The following CCDC38 variants were observed in gnomAD, a reference collection of about 807,000 sequenced individuals.
CCDC38 encodes the protein coiled-coil domain-containing protein 38.
A neutral mutation model predicts 72.8 loss-of-function variants in CCDC38; 69 were observed. The ratio of observed to expected loss-of-function variants is 0.95; its 90% CI spans 0.78 to 1.16. The LOEUF is 1.16. Among genes scored for constraint, CCDC38 ranks in the 50% most tolerant of loss-of-function variants. CCDC38 has a pLI of 0.00. For synonymous variants in CCDC38, 201 were observed against 213.2 expected (o/e 0.94, Z 0.50); for missense variants, 626 against 638.9 (o/e 0.98, Z 0.22).
chr12:95,903,766 G>T, intron 5 of CCDC38: 1 of 275,366 alleles, frequency 3.6e-6, no homozygotes, highest in Non-Finnish European at 6.8e-6. Context: ...TATCTTTTTA[G>T]TATTATTGGA....
chr12:95,883,591 C>T (rs1319034961), intron 10 of CCDC38, among the ~76,000 whole-genome samples: 3 of 152,240 alleles, frequency 2.0e-5, no homozygotes, highest in Admixed American at 1.3e-4. Context: ...CTTGCCCTCC[C>T]ATGCCCTCAC....
rs1371448113 is a variant in CCDC38 at position 95,888,488 on chromosome 12, A to G, written c.890T>C (p.Leu297Pro). 1.2e-6 allele frequency: 2 copies of G among 1,614,072 alleles called. No individual in the cohort carries two copies. Among genetic ancestry groups the G allele is most frequent in the Non-Finnish European group, 1.7e-6 (2 of 1,180,020 alleles). ...RDSQGKPSRSLTRTPEKKKSN... is the reference protein window; with the variant it reads ...RDSQGKPSRSPTRTPEKKKSN... ...TTTCTTTTTCTCTGGAGTGCGAGTC[A>G]GGCTTCTGCTTGGCTTTCCTGTTCA... The change falls in exon 10 of 16, where the codon CTG becomes CCG. Residue 297 changes from leucine to proline, a missense_variant. Coordinates refer to ENST00000344280, the MANE Select transcript of CCDC38 (RefSeq NM_182496.3).
At position 95,879,344 on chromosome 12, in the gene CCDC38, C is replaced by T. The variant is rs11108314; in HGVS notation, c.1142+300G>A. On this transcript the variant is annotated intron_variant, in intron 12 of 15. Coordinates refer to ENST00000344280, the MANE Select transcript of CCDC38 (RefSeq NM_182496.3). The surrounding 1 kb of genome is among the most constrained non-coding windows in gnomAD (Gnocchi z 5.5). ...CCAAGTGATAGGGCGAAAACTATAC[C>T]GGACAAAAGTTAAGGCAGTAGGTAC... 0.18 allele frequency among the ~76,000 whole-genome samples: 28,110 copies of T among 152,084 alleles called. 2,848 individuals are homozygous for T. The highest frequency in any genetic ancestry group is 0.27 in the African/African-American group (10,990 of 41,470).
chr12:95,892,093 T>G (rs1455144907), intron 8 of CCDC38, among the ~76,000 whole-genome samples: 1 of 148,748 alleles, frequency 6.7e-6, no homozygotes, highest in Non-Finnish European at 1.5e-5. Context: ...TTTTTTTTTT[T>G]TTTTTTTTTG....
At chr12:95,894,601 C>G (rs959987227) in intron 8 of CCDC38, among the ~76,000 whole-genome samples, 2 of 152,136 alleles carry the variant, frequency 1.3e-5, no homozygotes, top group African/African-American at 4.8e-5. Context: ...ACCTGCTTCC[C>G]CTCCCCGTTG....
intron 2 of CCDC38, among the ~76,000 whole-genome samples, chr12:95,928,555 C>T (rs376912654): frequency 1.4e-4 from 22 of 152,214 alleles, no homozygotes; most frequent in Non-Finnish European, 2.6e-4. Flanking sequence ...AGTCATTATC[C>T]GTCCAGCTTT....
chr12:95,893,642 C>A (rs990425208), intron 8 of CCDC38, among the ~76,000 whole-genome samples: 1 of 151,856 alleles, frequency 6.6e-6, no homozygotes. Flanking sequence ...TCACCACGCC[C>A]AGCTAATATT....
intron 4 of CCDC38, among the ~76,000 whole-genome samples, chr12:95,916,313 T>G (rs1399381738): frequency 6.6e-6 from 1 of 152,094 alleles, no homozygotes; most frequent in Non-Finnish European, 1.5e-5. Flanking sequence ...CTGAAAAATT[T>G]TTTTACAGTT....
chr12:95,895,273 T>C, intron 7 of CCDC38, 127 bp from the exon 8 acceptor site: 2 of 579,914 alleles, frequency 3.4e-6, no homozygotes, highest in Non-Finnish European at 5.6e-6. Context: ...AAAGGATAAA[T>C]ATGGCCATAA....
In CCDC38 at chr12:95,898,682, A is replaced by G. The variant is rs750921574; in HGVS notation, c.419T>C (p.Ile140Thr). ...TTTTAGTTGCCGTTCCCTCATTGCT[A>G]TGTCTTTTTCAAACTTTTTGATTGT... ...RNTIKKFEKDIAMRERQLKKA... is the reference protein window; with the variant it reads ...RNTIKKFEKDTAMRERQLKKA... The change falls in exon 6 of 16, where the codon ATA becomes ACA. Residue 140 changes from isoleucine (I) to threonine (T), a missense_variant. Ile to Thr is a moderately conservative substitution (Grantham distance 89). Coordinates refer to ENST00000344280, the MANE Select transcript of CCDC38 (RefSeq NM_182496.3). 1.2e-6 allele frequency: 2 copies of G among 1,614,038 alleles called. No individual in the cohort carries two copies. Among genetic ancestry groups the G allele is most frequent in the Admixed American group, 3.3e-5 (2 of 60,018 alleles).
At chr12:95,906,627 A>C (rs1391540310) in intron 4 of CCDC38, among the ~76,000 whole-genome samples, 176 bp from the exon 5 acceptor site, 1 of 152,172 alleles carries the variant, frequency 6.6e-6, no homozygotes, top group Non-Finnish European at 1.5e-5. Flanking sequence ...TAGTAATTAC[A>C]ATTTATTTTA....
chr12:95,923,265 G>C (rs542871291), intron 2 of CCDC38, among the ~76,000 whole-genome samples: 1 of 152,178 alleles, frequency 6.6e-6, no homozygotes, highest in South Asian at 2.1e-4. Context: ...AATTATATGA[G>C]CCAATTACTC....
chr12:95,875,279 G>T (rs574807330), intron 13 of CCDC38, among the ~76,000 whole-genome samples: 1 of 152,256 alleles, frequency 6.6e-6, no homozygotes, highest in East Asian at 1.9e-4. Flanking sequence ...TGATCTGGGG[G>T]GTAGCACACG....
chr12:95,933,495 T>A (rs541907029), intron 2 of CCDC38: 1 of 152,346 alleles, frequency 6.6e-6, no homozygotes, highest in South Asian at 2.1e-4. Flanking sequence ...ATTTCACCCA[T>A]TTGATTGGCA....
intron 2 of CCDC38, among the ~76,000 whole-genome samples, chr12:95,936,223 T>G (rs1188401694): frequency 6.6e-6 from 1 of 152,134 alleles, no homozygotes; most frequent in African/African-American, 2.4e-5. Context: ...GACAAATAAT[T>G]GAGTTACTTG....
chr12:95,903,679 T>G, intron 5 of CCDC38: 3 of 433,150 alleles, frequency 6.9e-6, no homozygotes, highest in Non-Finnish European at 1.2e-5. Flanking sequence ...TTTGTTAATG[T>G]GTATTACATT....
intron 2 of CCDC38, among the ~76,000 whole-genome samples, chr12:95,922,273 C>T (rs557105610): frequency 9.9e-5 from 15 of 152,276 alleles, no homozygotes; most frequent in Middle Eastern, 3.4e-3. Context: ...CTAAATACTA[C>T]GAGATAGCTG....
chr12:95,881,364 A>G (rs2079698122), intron 11 of CCDC38, 121 bp downstream of exon 11: 2 of 684,736 alleles, frequency 2.9e-6, no homozygotes, highest in Non-Finnish European at 4.8e-6. Context: ...TCAAAATTAT[A>G]TTTCTTTCTG....
chr12:95,921,136 AAAAAG>A (rs1295304927), intron 2 of CCDC38, among the ~76,000 whole-genome samples: 3 of 150,752 alleles, frequency 2.0e-5, no homozygotes, highest in African/African-American at 4.9e-5. Flanking sequence ...CTCAAAAAAA[AAAAAG>A]AAAAAGAAAA....
Sources: allele counts gnomAD v4.1 joint callset (sites outside exome capture counted in the v4.1 genomes callset), GRCh38; gene constraint gnomAD v4.1.1; non-coding constraint Gnocchi (gnomAD v3.1); transcripts MANE v1.5; gene names NCBI Gene and HGNC (gene_info 2026-07-23, HGNC 2026-07-21).